TANC2: variants seen among roughly 807,000 people sequenced by gnomAD.
The protein encoded by TANC2 is tetratricopeptide repeat, ankyrin repeat and coiled-coil containing 2.
Under a neutral mutation model 210.5 loss-of-function variants are expected in TANC2, and 26 were observed. The ratio of observed to expected loss-of-function variants is 0.12; its 90% CI spans 0.09 to 0.17. TANC2 has a LOEUF of 0.17. Ranked by LOEUF, TANC2 falls within the 10% of genes least tolerant of loss-of-function variation. The probability of loss-of-function intolerance (pLI) is 1.00; values close to 1 mark genes in which losing one functional copy is unlikely to be tolerated. For synonymous variants in TANC2, 931 were observed against 967.1 expected, an observed-to-expected ratio of 0.96 and a Z score of 0.69; for missense variants, 2,129 against 2,608.9, an observed-to-expected ratio of 0.82 and a Z score of 4.01.
At chr17:63,423,764 T>C (rs895591725) in exon 28 of TANC2, 1 of 152,256 alleles carries the variant, frequency 6.6e-6, no homozygotes, top group African/African-American at 2.4e-5. Flanking sequence ...CTTGTCTCTG[T>C]GCTGAAAGCA....
chr17:63,351,199 C>T (rs546708054), intron 12 of TANC2, 51 bp from the exon 13 acceptor site: 73 of 1,470,876 alleles, frequency 5.0e-5, no homozygotes, highest in Non-Finnish European at 6.1e-5. Context: ...CCAGTAAGAA[C>T]TCATTTATCC....
At chr17:63,371,424 C>T (rs576123439) in intron 14 of TANC2, among the ~76,000 whole-genome samples, 12 of 151,648 alleles carry the variant, frequency 7.9e-5, no homozygotes, top group African/African-American at 2.4e-4. Flanking sequence ...TGAGATCACA[C>T]CATTGCACTC....
chr17:63,238,986 G>A lies in TANC2; in HGVS notation c.1033+909G>A, dbSNP rs1299871026. 4.6e-5 allele frequency among the ~76,000 whole-genome samples: 7 copies of A among 151,990 alleles called. No homozygotes were observed. The East Asian group carries it at 1.2e-3, about 25-fold the overall frequency. On this transcript the variant is annotated intron_variant, in intron 8 of 27. Transcript: ENST00000689528. ...CCCTGACACTTGGGGATTACAATTC[G>A]AGATAAGATTTGGGTGGGGACACAG...
chr17:63,113,388 AG>A (rs1261652363), intron 4 of TANC2, among the ~76,000 whole-genome samples: 1 of 152,224 alleles, frequency 6.6e-6, no homozygotes, highest in Non-Finnish European at 1.5e-5. Context: ...AGAGTGTTCC[AG>A]AGGACATTTT....
At chr17:63,338,605 A>G (rs2046117053) in intron 11 of TANC2, among the ~76,000 whole-genome samples, 1 of 152,212 alleles carries the variant, frequency 6.6e-6, no homozygotes, top group Non-Finnish European at 1.5e-5. Flanking sequence ...AATTGCTGAC[A>G]GCCTTTCTCT....
intron 15 of TANC2, among the ~76,000 whole-genome samples, chr17:63,383,936 T>C (rs766613515): frequency 4.6e-5 from 7 of 152,184 alleles, no homozygotes; most frequent in African/African-American, 7.2e-5. Flanking sequence ...AAAAAATCAC[T>C]ATTCCACATC....
chr17:63,038,708 G>A (rs1475630523), intron 2 of TANC2, among the ~76,000 whole-genome samples: 1 of 151,958 alleles, frequency 6.6e-6, no homozygotes, highest in Non-Finnish European at 1.5e-5. Context: ...GCAATATACA[G>A]GTTACTGTTT....
intron 1 of TANC2, among the ~76,000 whole-genome samples, chr17:62,999,539 A>G (rs1334271494): frequency 1.8e-5 from 2 of 112,180 alleles, no homozygotes; most frequent in African/African-American, 4.6e-5. Context: ...GGGGCACCCA[A>G]ATTCATAAAA....
exon 15 of TANC2, chr17:63,379,800 C>A: frequency 6.2e-7 from 1 of 1,611,756 alleles, no homozygotes; most frequent in Non-Finnish European, 8.5e-7. Flanking sequence ...ACTGGGACAT[C>A]ACATCCTCAA....
chr17:63,367,718 AAGG>A (rs1196211137), intron 14 of TANC2, among the ~76,000 whole-genome samples: 1 of 152,182 alleles, frequency 6.6e-6, no homozygotes, highest in African/African-American at 2.4e-5. Flanking sequence ...TAACAGAAAC[AAGG>A]AGGAGTGAGA....
chr17:62,999,106 G>C (rs956645058), intron 1 of TANC2, among the ~76,000 whole-genome samples: 1 of 152,168 alleles, frequency 6.6e-6, no homozygotes, highest in African/African-American at 2.4e-5. Flanking sequence ...AGGTATTTGG[G>C]TCATGGGAGC....
chr17:63,344,500 A>G (rs2046337934), intron 12 of TANC2, among the ~76,000 whole-genome samples: 1 of 152,202 alleles, frequency 6.6e-6, no homozygotes, highest in African/African-American at 2.4e-5. Flanking sequence ...CTAGTACAAT[A>G]AGAAAATAAA....
chr17:63,099,618 T>C (rs2037548857), intron 4 of TANC2, among the ~76,000 whole-genome samples: 3 of 152,170 alleles, frequency 2.0e-5, no homozygotes, highest in African/African-American at 7.2e-5. Context: ...TTTCAGGAAG[T>C]TCCTGGTTTT....
intron 4 of TANC2, among the ~76,000 whole-genome samples, chr17:63,101,000 G>T (rs922657312): frequency 1.3e-5 from 2 of 152,094 alleles, no homozygotes; most frequent in African/African-American, 2.4e-5. Context: ...TAATGATTAA[G>T]AATGCATTTT....
chr17:63,136,113 T>C (rs1274736117), intron 4 of TANC2, among the ~76,000 whole-genome samples: 1 of 152,198 alleles, frequency 6.6e-6, no homozygotes, highest in Non-Finnish European at 1.5e-5. Context: ...AAGATAAAGA[T>C]TTACAGATAA....
chr17:63,215,401 T>C (rs2041998658), intron 7 of TANC2, among the ~76,000 whole-genome samples: 1 of 152,160 alleles, frequency 6.6e-6, no homozygotes, highest in Non-Finnish European at 1.5e-5. Context: ...ACCTTTGAAT[T>C]TTCCGAGTCA....
At chr17:63,146,283 A>C (rs2039460262) in intron 4 of TANC2, among the ~76,000 whole-genome samples, 1 of 152,090 alleles carries the variant, frequency 6.6e-6, no homozygotes. Flanking sequence ...CGAATTTATT[A>C]GTTCCAGCAG....
At chr17:63,227,079 TTATAA>T (rs2145975341) in intron 7 of TANC2, among the ~76,000 whole-genome samples, 2 of 152,334 alleles carry the variant, frequency 1.3e-5, no homozygotes, top group South Asian at 4.1e-4. Context: ...GTATGTATCT[TTATAA>T]TATAATAATT....
intron 11 of TANC2, among the ~76,000 whole-genome samples, chr17:63,334,901 A>G (rs2045974870): frequency 6.6e-6 from 1 of 152,184 alleles, no homozygotes; most frequent in African/African-American, 2.4e-5. Context: ...GCTTTCATTC[A>G]TGGTGGAAGG....
Sources: allele counts gnomAD v4.1 joint callset (sites outside exome capture counted in the v4.1 genomes callset), GRCh38; gene constraint gnomAD v4.1.1; transcripts MANE v1.5; gene names NCBI Gene and HGNC (gene_info 2026-07-23, HGNC 2026-07-21).